Variants in INTS2 observed in about 807,000 individuals in gnomAD.
INTS2 encodes the protein integrator complex subunit 2, also known as KIAA1287.
INTS2 carries 57 observed loss-of-function variants against 139.6 expected under a neutral mutation model. That is an observed-to-expected ratio of 0.41 (90% confidence interval 0.33 to 0.51). The LOEUF (loss-of-function observed/expected upper bound fraction) is 0.51, where lower values mean the gene tolerates loss of function less well. Ranked by LOEUF, INTS2 falls within the 20% of genes least tolerant of loss-of-function variation. The probability of loss-of-function intolerance (pLI) is 0.28; values close to 1 mark genes in which losing one functional copy is unlikely to be tolerated. For missense variants in INTS2, 1,196 were observed against 1,436.7 expected (o/e 0.83, Z 2.71); for synonymous variants, 473 against 493.4 (o/e 0.96, Z 0.55).
intron 3 of INTS2, among the ~76,000 whole-genome samples, chr17:61,923,202 G>A (rs1242124088): frequency 1.3e-5 from 2 of 151,840 alleles, no homozygotes; most frequent in Non-Finnish European, 2.9e-5. Context: ...ACTCGGCCGG[G>A]CGCAGTGGCT....
chr17:61,883,038 ATTACT>A (rs978287619), intron 16 of INTS2, among the ~76,000 whole-genome samples: 1 of 152,210 alleles, frequency 6.6e-6, no homozygotes, highest in Non-Finnish European at 1.5e-5. Context: ...CAAAAATGGC[ATTACT>A]TTAACATTTA....
Position 61,878,009 on chromosome 17 carries a change from A to G in INTS2, c.2334T>C (p.Leu778=). The G allele has an allele frequency of 1.2e-6, 2 of 1,612,522 alleles. No individual in the cohort carries two copies. Among genetic ancestry groups the G allele is most frequent in the Non-Finnish European group, 1.7e-6 (2 of 1,178,566 alleles). The change falls in exon 18 of 25, where the codon CTT becomes CTC. Residue 778 remains leucine (L), a synonymous_variant. Coordinates refer to ENST00000251334, the MANE Select transcript of INTS2 (RefSeq NM_001351695.2). ...EHLTLLSASE[L]IPYAEVLTSN... ...ATGTTAACACTTCCGCATATGGTAT[A>G]AGTTCACTGGCAGAGAGTAGAGTCA...
Position 61,869,163 on chromosome 17 carries a change from A to C in INTS2, c.3139-24T>G, listed in dbSNP as rs747550071. ...ATCTGCAATACAAAATCCAGTTATT[A>C]CATGTTTCTCAAGAATATCTTTAGG... On this transcript the variant is annotated intron_variant, in intron 22 of 24. Coordinates refer to ENST00000251334, the MANE Select transcript of INTS2 (RefSeq NM_001351695.2). This position sits in a 1 kb window ranked among gnomAD's most constrained non-coding sequence, Gnocchi z 5.4. 2.6e-6 allele frequency: 4 copies of C among 1,524,250 alleles called. No individual in the cohort carries two copies. The South Asian group carries it at 4.5e-5, about 17-fold the overall frequency. The allele number at this position is 1,524,250 out of a possible 1,614,324, so 94.4% of individuals were successfully genotyped here.
intron 17 of INTS2, among the ~76,000 whole-genome samples, 154 bp downstream of exon 17, chr17:61,880,853 C>G (rs989025021): frequency 5.9e-5 from 9 of 152,000 alleles, no homozygotes; most frequent in Non-Finnish European, 2.9e-5. Flanking sequence ...CATAAAATTC[C>G]TTAAACGCAA....
intron 7 of INTS2, among the ~76,000 whole-genome samples, chr17:61,908,749 G>A (rs191658331): frequency 4.0e-5 from 6 of 151,770 alleles, no homozygotes; most frequent in Admixed American, 3.9e-4. Flanking sequence ...AGTGCTTAAG[G>A]CAGTACCTGA....
chr17:61,878,946 A>AAAAAAC (rs2079151702), intron 17 of INTS2, among the ~76,000 whole-genome samples: 2 of 150,226 alleles, frequency 1.3e-5, no homozygotes, highest in African/African-American at 2.5e-5. Context: ...AAAAAAAAAA[A>AAAAAAC]AAAAAAAACA....
chr17:61,878,205 G>A (rs977476681), intron 17 of INTS2, 117 bp from the exon 18 acceptor site: 25 of 647,972 alleles, frequency 3.9e-5, no homozygotes, highest in Non-Finnish European at 6.3e-5. Flanking sequence ...TGGCTAAAAA[G>A]TAACTATAGT....
Position 61,893,906 on chromosome 17 carries a change from G to A in INTS2, c.1564-7C>T. On this transcript the variant is annotated splice_polypyrimidine_tract_variant and splice_region_variant and intron_variant, in intron 12 of 24. Transcript: ENST00000251334. This position sits in a 1 kb window ranked among gnomAD's most constrained non-coding sequence, Gnocchi z 5.4. ...CTGCATGAGCTGTGACAACCTAAAA[G>A]GGAAAAATAGCATTAGTAATATAAT... 1.3e-6 allele frequency: 2 copies of A among 1,536,044 alleles called. No homozygotes were observed. Among genetic ancestry groups the A allele is most frequent in the Non-Finnish European group, 1.8e-6 (2 of 1,137,626 alleles).
Position 61,882,449 on chromosome 17 carries a change from C to T in INTS2, c.2090-1278G>A, listed in dbSNP as rs1252549487. ...TATGTATAATGTTAATAATGAGAGG[C>T]TGTGTGCGGTGGCTCATGCCTGTAA... On this transcript the variant is annotated intron_variant, in intron 16 of 24. Coordinates refer to ENST00000251334, the MANE Select transcript of INTS2 (RefSeq NM_001351695.2). The surrounding 1 kb of genome is among the most constrained non-coding windows in gnomAD (Gnocchi z 4.7). Among the ~76,000 whole-genome samples, 2 of 152,212 alleles carry T rather than the reference C, an allele frequency of 1.3e-5. No homozygotes were observed. Among genetic ancestry groups the T allele is most frequent in the East Asian group, 3.9e-4 (2 of 5,194 alleles).
At chr17:61,878,415 TGA>T (rs939034137) in intron 17 of INTS2, among the ~76,000 whole-genome samples, 7 of 151,696 alleles carry the variant, frequency 4.6e-5, no homozygotes, top group African/African-American at 1.7e-4. Context: ...AATACAAAAA[TGA>T]GCCAGGCGTG....
intron 8 of INTS2, among the ~76,000 whole-genome samples, 198 bp downstream of exon 8, chr17:61,907,210 A>T (rs1431321745): frequency 6.6e-6 from 1 of 152,156 alleles, no homozygotes; most frequent in East Asian, 1.9e-4. Context: ...TTCTGTTTAC[A>T]ATCAGAACAA....
chr17:61,888,219 A>T (rs1272564370), intron 15 of INTS2, among the ~76,000 whole-genome samples: 1 of 152,024 alleles, frequency 6.6e-6, no homozygotes, highest in Non-Finnish European at 1.5e-5. Context: ...AAATAAAAAA[A>T]ATCAGCCAGG....
At chr17:61,881,274 G>T (rs73332565) in intron 16 of INTS2, 103 bp from the exon 17 acceptor site, 159,690 of 887,566 alleles carry the variant, frequency 0.18, 16,998 homozygotes, top group East Asian at 0.51. Context: ...AAGGAAAGAG[G>T]GTTATGCTCT....
At chr17:61,895,435 T>C in intron 11 of INTS2, 52 bp from the exon 12 acceptor site, 1 of 1,088,308 alleles carries the variant, frequency 9.2e-7, no homozygotes, top group Non-Finnish European at 1.3e-6. Flanking sequence ...TGAAACACAA[T>C]TTATTCTAGG....
At chr17:61,918,211 C>T (rs935087454) in intron 5 of INTS2, among the ~76,000 whole-genome samples, 1 of 152,298 alleles carries the variant, frequency 6.6e-6, no homozygotes, top group Middle Eastern at 3.4e-3. Context: ...ATTACACTAT[C>T]AATATCTCCA....
At position 61,873,597 on chromosome 17, in the gene INTS2, T is replaced by C. The variant is rs1365550355; in HGVS notation, c.2583-1137A>G. Among the ~76,000 whole-genome samples the C allele has an allele frequency of 6.6e-6, 1 of 152,210 alleles. No individual in the cohort carries two copies. Among genetic ancestry groups the C allele is most frequent in the Non-Finnish European group, 1.5e-5 (1 of 68,024 alleles). ...GCTCTTTTCTAGAAGTGTTATTTAT[T>C]GTGGTTTCCTTTTATTAGATACTTA... On this transcript the variant is annotated intron_variant, in intron 19 of 24. Transcript: ENST00000251334. The surrounding 1 kb of genome is among the most constrained non-coding windows in gnomAD (Gnocchi z 4.0).
chr17:61,919,603 A>C, intron 4 of INTS2, 90 bp from the exon 5 acceptor site: 1 of 691,198 alleles, frequency 1.4e-6, no homozygotes, highest in Non-Finnish European at 2.5e-6. Context: ...TGGAGACTGA[A>C]TCTCACTGTG....
chr17:61,910,983 T>C (rs2143104869), intron 7 of INTS2: 1 of 152,850 alleles, frequency 6.5e-6, no homozygotes, highest in African/African-American at 2.4e-5. Context: ...TACAATAAAA[T>C]AAAACTATCA....
rs1476527773 is a variant in INTS2 at position 61,869,864 on chromosome 17, T to C, written c.2903A>G (p.Asn968Ser). Residue 968 changes from asparagine (N) to serine (S), a missense_variant, in exon 21 of 25, where the codon AAT becomes AGT. This residue lies in a region of INTS2 where 1,129 missense variants were observed against 1,341.9 expected (regional missense o/e 0.84). Coordinates refer to ENST00000251334, the MANE Select transcript of INTS2 (RefSeq NM_001351695.2). This position sits in a 1 kb window ranked among gnomAD's most constrained non-coding sequence, Gnocchi z 5.4. ...GTCTTCTCCTTCCTCCATTCCCTTATTTGGAGCGCTGGTGGTAATAACACT... is the reference window on the plus strand; with the variant it reads ...GTCTTCTCCTTCCTCCATTCCCTTACTTGGAGCGCTGGTGGTAATAACACT... Reference protein sequence around the residue: ...VQSVITTSAPNKGMEEGEDNL... With the variant: ...VQSVITTSAPSKGMEEGEDNL... The C allele has an allele frequency of 1.9e-6, 3 of 1,613,798 alleles. No individual in the cohort carries two copies. The highest frequency in any genetic ancestry group is 2.7e-5 in the African/African-American group (2 of 74,920).
Sources: allele counts gnomAD v4.1 joint callset (sites outside exome capture counted in the v4.1 genomes callset), GRCh38; gene constraint gnomAD v4.1.1; regional missense constraint gnomAD v4.1.1; non-coding constraint Gnocchi (gnomAD v3.1); transcripts MANE v1.5; gene names NCBI Gene and HGNC (gene_info 2026-07-23, HGNC 2026-07-21).